The following CHLSN variants were observed in gnomAD, a reference collection of about 807,000 sequenced individuals.
The protein encoded by CHLSN is cholesin.
the CHLSN span, among the ~76,000 whole-genome samples, chr7:1,030,739 T>TCTCTCTCTCCCGGGGCAGGCGGGGA: frequency 4.4e-5 from 1 of 22,474 alleles, no homozygotes; most frequent in Non-Finnish European, 7.9e-5. Flanking sequence ...AGGGGGGGAC[T>TCTCTCTCTCCCGGGGCAGGCGGGGA]CTCTCTCTCT....
the CHLSN span, among the ~76,000 whole-genome samples, chr7:1,136,641 C>T: frequency 2.1e-5 from 3 of 143,690 alleles, no homozygotes; most frequent in South Asian, 2.1e-4. Context: ...TATATATATG[C>T]GGATGTGTGT....
At chr7:1,043,373 A>G in the CHLSN span, 1 of 152,256 alleles carries the variant, frequency 6.6e-6, no homozygotes, top group Non-Finnish European at 1.5e-5. Context: ...CTTTTTAGTA[A>G]TCCATAAAGT....
chr7:1,102,877 C>A, the CHLSN span, among the ~76,000 whole-genome samples: 1 of 152,258 alleles, frequency 6.6e-6, no homozygotes, highest in Admixed American at 6.5e-5. Context: ...AGCAGCTCTT[C>A]CTTGCAGGAA....
At chr7:1,082,568 C>G in the CHLSN span, among the ~76,000 whole-genome samples, 1 of 152,224 alleles carries the variant, frequency 6.6e-6, no homozygotes, top group Non-Finnish European at 1.5e-5. Context: ...GCACCACACT[C>G]TCACCCAAGA....
chr7:1,027,371 G>A, the CHLSN span, among the ~76,000 whole-genome samples: 3 of 152,258 alleles, frequency 2.0e-5, no homozygotes, highest in Admixed American at 1.3e-4. Context: ...GTGTCCGTGC[G>A]GACGCCTGGT....
the CHLSN span, among the ~76,000 whole-genome samples, chr7:1,072,796 G>A: frequency 3.3e-5 from 5 of 149,462 alleles, no homozygotes; most frequent in Non-Finnish European, 7.4e-5. Flanking sequence ...TGATTCTCCT[G>A]CCTCAGCCTC....
At chr7:984,520 G>C in the CHLSN span, 1 of 1,553,182 alleles carries the variant, frequency 6.4e-7, no homozygotes, top group African/African-American at 1.4e-5. Context: ...CCCCGGGCAG[G>C]AGCTGGCCGA....
chr7:1,004,668 C>T, the CHLSN span, among the ~76,000 whole-genome samples: 1 of 152,196 alleles, frequency 6.6e-6, no homozygotes, highest in African/African-American at 2.4e-5. Flanking sequence ...GTGGCTCCCA[C>T]GGCACTGGGC....
the CHLSN span, among the ~76,000 whole-genome samples, chr7:1,135,577 G>A: frequency 6.6e-6 from 1 of 151,382 alleles, no homozygotes; most frequent in East Asian, 1.9e-4. Flanking sequence ...GACCAGCCTG[G>A]CTAACATGGT....
the CHLSN span, among the ~76,000 whole-genome samples, chr7:1,137,145 ACCT>A: frequency 6.6e-6 from 1 of 151,376 alleles, no homozygotes; most frequent in African/African-American, 2.4e-5. Flanking sequence ...CTGGGAACTC[ACCT>A]CCTCTTTCTC....
the CHLSN span, among the ~76,000 whole-genome samples, chr7:1,065,990 G>T: frequency 6.6e-6 from 1 of 152,216 alleles, no homozygotes; most frequent in African/African-American, 2.4e-5. Flanking sequence ...GGAGAGCAGG[G>T]GCCCCGCCGA....
At chr7:986,179 C>T in the CHLSN span, among the ~76,000 whole-genome samples, 5 of 152,108 alleles carry the variant, frequency 3.3e-5, no homozygotes, top group African/African-American at 1.2e-4. Context: ...GCGAGTGGCA[C>T]GAGGTGTGGC....
At chr7:1,117,167 C>T in the CHLSN span, among the ~76,000 whole-genome samples, 1 of 44,394 alleles carries the variant, frequency 2.3e-5, no homozygotes, top group South Asian at 7.4e-4. Context: ...CCATCACCGA[C>T]GTCCACGCAG....
At chr7:1,015,183 C>A in the CHLSN span, among the ~76,000 whole-genome samples, 1 of 152,114 alleles carries the variant, frequency 6.6e-6, no homozygotes, top group Non-Finnish European at 1.5e-5. Flanking sequence ...GCTCCTGGGT[C>A]CCTGCTAAAT....
At chr7:1,104,786 C>T in the CHLSN span, among the ~76,000 whole-genome samples, 1 of 152,232 alleles carries the variant, frequency 6.6e-6, no homozygotes, top group Admixed American at 6.5e-5. Flanking sequence ...TTTGAAAAGA[C>T]CGTACAAATA....
chr7:984,834 G>A, the CHLSN span: 2 of 1,381,076 alleles, frequency 1.4e-6, no homozygotes, highest in Non-Finnish European at 1.9e-6. Context: ...TGGGGATGGG[G>A]GTGAGGGCCC....
At chr7:995,597 T>C in the CHLSN span, among the ~76,000 whole-genome samples, 24 of 152,232 alleles carry the variant, frequency 1.6e-4, no homozygotes, top group African/African-American at 5.8e-4. Context: ...CCTCACAGCA[T>C]AGGGGCCACT....
the CHLSN span, among the ~76,000 whole-genome samples, chr7:1,005,032 T>A: frequency 0.025 from 3,841 of 152,274 alleles, 168 homozygotes; most frequent in African/African-American, 0.087. Context: ...CAGTGGCTCA[T>A]GCCTGTAAGC....
chr7:1,087,079 G>A, the CHLSN span: 2 of 152,280 alleles, frequency 1.3e-5, no homozygotes, highest in African/African-American at 4.8e-5. Flanking sequence ...CAAATGGCCA[G>A]TAGGGGGCGC....
Sources: gnomAD v4.1 joint callset for allele counts (sites outside exome capture counted in the v4.1 genomes callset) on GRCh38, gnomAD v4.1.1 for gene constraint, MANE v1.5 for transcripts, NCBI Gene and HGNC (gene_info 2026-07-23, HGNC 2026-07-21) for gene names.